Variants in C8orf34 observed in about 807,000 individuals in gnomAD.
The protein encoded by C8orf34 is uncharacterized protein C8orf34.
Under a neutral mutation model 68.3 loss-of-function variants are expected in C8orf34, and 65 were observed. The ratio of observed to expected loss-of-function variants is 0.95; its 90% confidence interval spans 0.78 to 1.17. The LOEUF (loss-of-function observed/expected upper bound fraction) is 1.17, where lower values mean the gene tolerates loss of function less well. Ranked by LOEUF, C8orf34 falls within the 50% of genes most tolerant of loss-of-function variation. The pLI, the probability that C8orf34 is intolerant of heterozygous loss-of-function variation, is 0.00. For synonymous variants in C8orf34, 244 were observed against 241.2 expected (o/e 1.01, Z -0.11); for missense variants, 664 against 655.4 (o/e 1.01, Z -0.14).
chr8:68,512,795 A>T (rs1403422095), intron 5 of C8orf34, among the ~76,000 whole-genome samples: 2 of 151,698 alleles, frequency 1.3e-5, no homozygotes, highest in African/African-American at 4.8e-5. Context: ...CAAAAAAAAA[A>T]AAAACCACCA....
At chr8:68,814,356 G>A (rs1824745680) in intron 12 of C8orf34, among the ~76,000 whole-genome samples, 1 of 152,190 alleles carries the variant, frequency 6.6e-6, no homozygotes, top group South Asian at 2.1e-4. Context: ...CTAATACAGA[G>A]CATGAATTCA....
chr8:68,552,131 G>C (rs1210374934), intron 7 of C8orf34, among the ~76,000 whole-genome samples: 1 of 152,012 alleles, frequency 6.6e-6, no homozygotes, highest in Non-Finnish European at 1.5e-5. Flanking sequence ...AATTACTCTA[G>C]CTATGTGATA....
At chr8:68,486,033 A>C (rs1813064868) in intron 4 of C8orf34, among the ~76,000 whole-genome samples, 1 of 152,180 alleles carries the variant, frequency 6.6e-6, no homozygotes, top group Non-Finnish European at 1.5e-5. Flanking sequence ...TATAAATTGT[A>C]ATAATGTATT....
intron 11 of C8orf34, among the ~76,000 whole-genome samples, chr8:68,783,405 C>A (rs1017466360): frequency 2.0e-5 from 3 of 151,810 alleles, no homozygotes; most frequent in Non-Finnish European, 4.4e-5. Context: ...GCAATCCCAG[C>A]TACTCGGGAG....
At chr8:68,553,615 A>G (rs900068911) in intron 7 of C8orf34, among the ~76,000 whole-genome samples, 1 of 151,842 alleles carries the variant, frequency 6.6e-6, no homozygotes, top group Non-Finnish European at 1.5e-5. Flanking sequence ...GAATCTGTCC[A>G]TTTCATCTGT....
chr8:68,456,572 G>A (rs1239429962), intron 3 of C8orf34, among the ~76,000 whole-genome samples: 1 of 152,148 alleles, frequency 6.6e-6, no homozygotes, highest in South Asian at 2.1e-4. Flanking sequence ...TAGAAATTGT[G>A]CATTTTCAAA....
intron 1 of C8orf34, among the ~76,000 whole-genome samples, chr8:68,428,872 G>C (rs1810337717): frequency 6.6e-6 from 1 of 152,056 alleles, no homozygotes; most frequent in Admixed American, 6.6e-5. Context: ...GAATGAGTGT[G>C]GGATGATTGG....
At chr8:68,787,314 T>C in intron 11 of C8orf34, 129 bp from the exon 12 acceptor site, 1 of 556,202 alleles carries the variant, frequency 1.8e-6, no homozygotes, top group Non-Finnish European at 3.1e-6. Context: ...AGAGCTCTCC[T>C]TTTTTTAATG....
chr8:68,779,806 T>G (rs1823624252), intron 11 of C8orf34, among the ~76,000 whole-genome samples: 1 of 152,126 alleles, frequency 6.6e-6, no homozygotes, highest in South Asian at 2.1e-4. Context: ...AATTATTAAT[T>G]ATCATAGTTT....
intron 3 of C8orf34, among the ~76,000 whole-genome samples, chr8:68,460,608 G>C (rs190070179): frequency 6.6e-6 from 1 of 152,088 alleles, no homozygotes; most frequent in Non-Finnish European, 1.5e-5. Flanking sequence ...CCAGAGGAAC[G>C]ATCAGACAGC....
At chr8:68,441,676 C>A (rs757794371) in intron 2 of C8orf34, among the ~76,000 whole-genome samples, 6 of 152,152 alleles carry the variant, frequency 3.9e-5, no homozygotes, top group Non-Finnish European at 8.8e-5. Flanking sequence ...CAACTCACTT[C>A]TTTAAAGTCA....
At chr8:68,371,078 C>A (rs1348513895) in intron 1 of C8orf34, among the ~76,000 whole-genome samples, 4 of 152,110 alleles carry the variant, frequency 2.6e-5, no homozygotes, top group African/African-American at 9.7e-5. Context: ...GAAGGTGATT[C>A]TCCTCCAACA....
At chr8:68,590,146 G>T (rs1390172070) in intron 7 of C8orf34, among the ~76,000 whole-genome samples, 1 of 141,464 alleles carries the variant, frequency 7.1e-6, no homozygotes, top group Non-Finnish European at 1.5e-5. Flanking sequence ...GAAGGAAAAG[G>T]AAAGGAAAGG....
chr8:68,737,262 G>C (rs1822147699), intron 10 of C8orf34, among the ~76,000 whole-genome samples: 1 of 152,028 alleles, frequency 6.6e-6, no homozygotes, highest in African/African-American at 2.4e-5. Context: ...GTCCATTGCT[G>C]CTTCCATTTT....
intron 8 of C8orf34, among the ~76,000 whole-genome samples, chr8:68,678,176 T>A (rs1232996018): frequency 1.3e-5 from 2 of 151,828 alleles, no homozygotes; most frequent in African/African-American, 4.8e-5. Flanking sequence ...CAAACTGTTC[T>A]AAAAAATAGA....
intron 10 of C8orf34, among the ~76,000 whole-genome samples, chr8:68,763,827 G>A (rs1375158178): frequency 6.6e-6 from 1 of 152,184 alleles, no homozygotes; most frequent in Non-Finnish European, 1.5e-5. Flanking sequence ...TAATGGTAAA[G>A]AGATAGATAT....
At chr8:68,519,857 T>C (rs918905116) in intron 5 of C8orf34, among the ~76,000 whole-genome samples, 1 of 152,192 alleles carries the variant, frequency 6.6e-6, no homozygotes, top group African/African-American at 2.4e-5. Flanking sequence ...ATAAGTAACA[T>C]TGTAAAGTCT....
chr8:68,771,689 G>C (rs1351462805), intron 10 of C8orf34, among the ~76,000 whole-genome samples: 1 of 151,850 alleles, frequency 6.6e-6, no homozygotes, highest in Non-Finnish European at 1.5e-5. Context: ...TTTTGCTCAA[G>C]CACTATTCTT....
At chr8:68,767,781 A>G (rs561220804) in intron 10 of C8orf34, among the ~76,000 whole-genome samples, 12 of 152,318 alleles carry the variant, frequency 7.9e-5, no homozygotes, top group Admixed American at 7.2e-4. Flanking sequence ...CTGGGACTAC[A>G]GGTATGTGCC....
Sources: gnomAD v4.1 joint callset for allele counts (sites outside exome capture counted in the v4.1 genomes callset) on GRCh38, gnomAD v4.1.1 for gene constraint, MANE v1.5 for transcripts, NCBI Gene and HGNC (gene_info 2026-07-23, HGNC 2026-07-21) for gene names.